The following BMP6 variants were observed in gnomAD, a reference collection of about 807,000 sequenced individuals.
BMP6 encodes the protein VG-1-R.
Under a neutral mutation model 54.1 loss-of-function variants are expected in BMP6, and 17 were observed. That is an observed-to-expected ratio of 0.31 (90% CI 0.22 to 0.47). The LOEUF is 0.47. BMP6 is among the 20% of genes least tolerant of loss of function. The probability of loss-of-function intolerance (pLI) is 1.00; values close to 1 mark genes in which losing one functional copy is unlikely to be tolerated. For synonymous variants in BMP6, 328 were observed against 291.2 expected, an observed-to-expected ratio of 1.13 and a Z score of -1.28; for missense variants, 720 against 690.4, an observed-to-expected ratio of 1.04 and a Z score of -0.48.
At chr6:7,759,604 T>G (rs1397246257) in intron 1 of BMP6, among the ~76,000 whole-genome samples, 1 of 149,746 alleles carries the variant, frequency 6.7e-6, no homozygotes, top group Non-Finnish European at 1.5e-5. Context: ...AATGAACACA[T>G]GAGACTAAAC....
chr6:7,813,149 A>ATATAT (rs1333428977), intron 1 of BMP6, among the ~76,000 whole-genome samples: 4 of 107,870 alleles, frequency 3.7e-5, no homozygotes, highest in Non-Finnish European at 5.5e-5. Flanking sequence ...ATATATATAT[A>ATATAT]AAATTAGTGG....
At chr6:7,792,320 T>C (rs924801001) in intron 1 of BMP6, among the ~76,000 whole-genome samples, 3 of 152,224 alleles carry the variant, frequency 2.0e-5, no homozygotes, top group Non-Finnish European at 4.4e-5. Flanking sequence ...CAGCAACACC[T>C]AGATTAGTGT....
intron 1 of BMP6, among the ~76,000 whole-genome samples, chr6:7,800,942 C>A (rs541977180): frequency 6.6e-6 from 1 of 151,494 alleles, no homozygotes; most frequent in Non-Finnish European, 1.5e-5. Flanking sequence ...GACCTTGGCT[C>A]CAGTCAGTCA....
At chr6:7,731,370 T>C (rs1166796926) in intron 1 of BMP6, among the ~76,000 whole-genome samples, 5 of 152,218 alleles carry the variant, frequency 3.3e-5, no homozygotes, top group Non-Finnish European at 7.3e-5. Context: ...CCACTCTATA[T>C]AAACTGGTCA....
intron 1 of BMP6, among the ~76,000 whole-genome samples, chr6:7,840,448 T>C (rs541173290): frequency 2.0e-5 from 3 of 152,318 alleles, no homozygotes; most frequent in Admixed American, 6.5e-5. Context: ...TACATCCTTT[T>C]GTATGTATAA....
chr6:7,851,137 T>A (rs752321047), intron 2 of BMP6, among the ~76,000 whole-genome samples: 10 of 152,196 alleles, frequency 6.6e-5, no homozygotes, highest in Non-Finnish European at 1.5e-4. Context: ...TCAGTTTGTT[T>A]CCACAAAAAA....
At chr6:7,817,228 C>G (rs1758542189) in intron 1 of BMP6, among the ~76,000 whole-genome samples, 1 of 152,106 alleles carries the variant, frequency 6.6e-6, no homozygotes, top group South Asian at 2.1e-4. Context: ...CCCAGGTCTT[C>G]TGGTGTTCAA....
intron 1 of BMP6, among the ~76,000 whole-genome samples, chr6:7,823,299 A>G (rs1398038934): frequency 6.6e-6 from 1 of 152,200 alleles, no homozygotes; most frequent in Non-Finnish European, 1.5e-5. Context: ...GCTTGCACGT[A>G]TATTACTTCA....
intron 4 of BMP6, among the ~76,000 whole-genome samples, chr6:7,874,456 A>G (rs1055692460): frequency 2.3e-4 from 35 of 152,280 alleles, no homozygotes; most frequent in African/African-American, 7.7e-4. Flanking sequence ...CTTAGAAGAT[A>G]CCTTAACAGA....
At chr6:7,770,157 C>CT (rs1353459925) in intron 1 of BMP6, among the ~76,000 whole-genome samples, 1 of 151,868 alleles carries the variant, frequency 6.6e-6, no homozygotes, top group Non-Finnish European at 1.5e-5. Flanking sequence ...TGCCTTTTTC[C>CT]TTTTTTAAAA....
chr6:7,736,777 C>G (rs913420904), intron 1 of BMP6, among the ~76,000 whole-genome samples: 2 of 152,150 alleles, frequency 1.3e-5, no homozygotes, highest in South Asian at 2.1e-4. Context: ...AGTGAATTCT[C>G]TCCATCTCTC....
chr6:7,817,071 G>T (rs955498899), intron 1 of BMP6, among the ~76,000 whole-genome samples: 4 of 152,174 alleles, frequency 2.6e-5, no homozygotes, highest in African/African-American at 9.7e-5. Context: ...CCACTCGAGA[G>T]AAACCAGCTT....
chr6:7,795,481 G>A (rs1356758685), intron 1 of BMP6, among the ~76,000 whole-genome samples: 1 of 152,196 alleles, frequency 6.6e-6, no homozygotes, highest in Non-Finnish European at 1.5e-5. Context: ...GAGGGATGTG[G>A]CTGGACAGAG....
intron 1 of BMP6, among the ~76,000 whole-genome samples, chr6:7,834,521 A>ATTT (rs34500059): frequency 6.7e-6 from 1 of 149,434 alleles, no homozygotes; most frequent in African/African-American, 2.5e-5. Flanking sequence ...AGCAATTTGA[A>ATTT]TTTTTTTTTT....
intron 1 of BMP6, among the ~76,000 whole-genome samples, chr6:7,768,213 T>G (rs945994263): frequency 2.6e-5 from 4 of 152,182 alleles, no homozygotes; most frequent in Admixed American, 2.0e-4. Flanking sequence ...CCTCTCCCAC[T>G]GTGAAGTATG....
chr6:7,784,823 G>C lies in BMP6; in HGVS notation c.664+57204G>C, dbSNP rs577779093. Among the ~76,000 whole-genome samples, 4 of 152,272 alleles carry C rather than the reference G, an allele frequency of 2.6e-5. No individual in the cohort carries two copies. The South Asian group carries it at 8.3e-4, about 32-fold the overall frequency. On this transcript the variant is annotated intron_variant, in intron 1 of 6. Coordinates refer to ENST00000283147, the MANE Select transcript of BMP6 (RefSeq NM_001718.6). ...AGGAGGGACCAGCTGTCCCCAAGGA[G>C]CTTGGCAGCCTTCTACCTTGGGATT...
intron 1 of BMP6, among the ~76,000 whole-genome samples, chr6:7,793,472 C>G (rs1484265035): frequency 6.6e-6 from 1 of 152,008 alleles, no homozygotes; most frequent in African/African-American, 2.4e-5. Context: ...GTTGCCCAAA[C>G]CCATAGACTA....
Position 7,727,501 on chromosome 6 carries a change from C to T in BMP6, c.546C>T (p.Leu182=), listed in dbSNP as rs768599445. The part of the protein sequence containing the change: ...RQPPPGAAHP[L]NRKSLLAPGS... ...CGCCCCCGGGCGCCGCGCACCCGCT[C>T]AACCGCAAGAGCCTTCTGGCCCCCG... Residue 182 remains leucine (L), a synonymous_variant, in exon 1 of 7, where the codon CTC becomes CTT. Coordinates refer to ENST00000283147, the MANE Select transcript of BMP6 (RefSeq NM_001718.6). 16 of 1,596,442 alleles carry T rather than the reference C, an allele frequency of 1.0e-5. No individual in the cohort carries two copies. Among genetic ancestry groups the T allele is most frequent in the Non-Finnish European group, 1.4e-5 (16 of 1,177,204 alleles).
chr6:7,745,716 A>G (rs936508941), intron 1 of BMP6, among the ~76,000 whole-genome samples: 3 of 152,008 alleles, frequency 2.0e-5, no homozygotes, highest in Non-Finnish European at 4.4e-5. Context: ...GAGGATACAA[A>G]TGACAGGAAG....
Sources: allele counts gnomAD v4.1 joint callset (sites outside exome capture counted in the v4.1 genomes callset), GRCh38; gene constraint gnomAD v4.1.1; transcripts MANE v1.5; gene names NCBI Gene and HGNC (gene_info 2026-07-23, HGNC 2026-07-21).